Variants in MAP3K9 observed in about 807,000 individuals in gnomAD.
MAP3K9 encodes mixed lineage kinase 1 (tyr and ser/thr specificity).
MAP3K9 carries 46 observed loss-of-function variants against 95.8 expected under a neutral mutation model. The ratio of observed to expected loss-of-function variants is 0.48; its 90% CI spans 0.38 to 0.61. The LOEUF is 0.61. Among genes scored for constraint, MAP3K9 ranks in the 20% least tolerant of loss-of-function variants. MAP3K9 has a pLI of 0.00. For missense variants in MAP3K9, 1,296 were observed against 1,474.3 expected, an observed-to-expected ratio of 0.88 and a Z score of 1.98; for synonymous variants, 533 against 593.8, an observed-to-expected ratio of 0.90 and a Z score of 1.49.
At chr14:70,798,470 A>AGTTTTTT (rs2054889532) in intron 2 of MAP3K9, among the ~76,000 whole-genome samples, 2 of 108,342 alleles carry the variant, frequency 1.8e-5, no homozygotes, top group African/African-American at 3.6e-5. Flanking sequence ...GGTCACCAAA[A>AGTTTTTT]GTTTTTTTTT....
chr14:70,748,499 G>T (rs2054180304), intron 5 of MAP3K9, among the ~76,000 whole-genome samples: 1 of 152,216 alleles, frequency 6.6e-6, no homozygotes, highest in South Asian at 2.1e-4. Flanking sequence ...CAAGGTTGAA[G>T]TATCCCTATA....
intron 6 of MAP3K9, among the ~76,000 whole-genome samples, chr14:70,740,467 A>C (rs2054054299): frequency 6.6e-6 from 1 of 151,346 alleles, no homozygotes; most frequent in African/African-American, 2.5e-5. Flanking sequence ...TGTTTAGCTC[A>C]TGAGATGTTG....
chr14:70,799,408 C>T (rs55725720), intron 2 of MAP3K9, among the ~76,000 whole-genome samples: 6,319 of 152,260 alleles, frequency 0.042, 135 homozygotes, highest in East Asian at 0.094. Flanking sequence ...GGCACAATCT[C>T]GGCTCACTGC....
intron 2 of MAP3K9, among the ~76,000 whole-genome samples, chr14:70,776,937 T>A (rs1286965112): frequency 6.6e-6 from 1 of 152,100 alleles, no homozygotes; most frequent in African/African-American, 2.4e-5. Flanking sequence ...GTTCAAATTA[T>A]TCTCCTGCCC....
intron 11 of MAP3K9, among the ~76,000 whole-genome samples, chr14:70,732,171 G>GA (rs1454997132): frequency 6.6e-6 from 1 of 152,150 alleles, no homozygotes; most frequent in Non-Finnish European, 1.5e-5. Flanking sequence ...TTCCTTCCTG[G>GA]AAAATGCATC....
chr14:70,776,503 T>C (rs551325324), intron 2 of MAP3K9, among the ~76,000 whole-genome samples: 9 of 152,254 alleles, frequency 5.9e-5, no homozygotes, highest in African/African-American at 2.2e-4. Context: ...CTCTACATGG[T>C]ATATCCAGAT....
rs2054905410 is a variant in MAP3K9 at position 70,799,534 on chromosome 14, T to TTTC, written c.820+1130_820+1132dup. 2.0e-5 allele frequency among the ~76,000 whole-genome samples: 3 copies of TTTC among 151,740 alleles called. No homozygotes were observed. In the South Asian group the frequency reaches 6.3e-4, roughly 32 times the overall value. On this transcript the variant is annotated intron_variant, in intron 2 of 11. Coordinates refer to ENST00000554752, the MANE Select transcript of MAP3K9 (RefSeq NM_001284230.2). ...TTTTGTATTTTTAGTGGAGACGGGG[T>TTTC]TTCACCGTGTTAGCCAGGATGGTCT... is the stretch of plus-strand genomic sequence containing the variant.
Position 70,733,119 on chromosome 14 carries a change from C to T in MAP3K9, c.2250G>A (p.Glu750=). 1 of 1,613,942 alleles carries T rather than the reference C, an allele frequency of 6.2e-7. No homozygotes were observed. Among genetic ancestry groups the T allele is most frequent in the Non-Finnish European group, 8.5e-7 (1 of 1,179,896 alleles). The change falls in exon 11 of 12, where the codon GAG becomes GAA. Residue 750 remains glutamate (E), a synonymous_variant. Coordinates refer to ENST00000554752, the MANE Select transcript of MAP3K9 (RefSeq NM_001284230.2). The part of the protein sequence containing the change: ...KRGGAHHRRC[E]VALLGCGAVL... ...CAGCCCCACAGCCGAGCAGAGCCAC[C>T]TCGCAGCGGCGGTGGTGGGCACCGC... is the stretch of plus-strand genomic sequence containing the variant.
chr14:70,753,757 CTTGAG>C (rs1270180683), intron 3 of MAP3K9, among the ~76,000 whole-genome samples: 2 of 152,178 alleles, frequency 1.3e-5, no homozygotes, highest in African/African-American at 2.4e-5. Flanking sequence ...AAAATTTACT[CTTGAG>C]TTAATAATTA....
rs1295841269 is a variant in MAP3K9, at chr14:70,729,442, CAGACAGCAA to C, written c.*929_*937del. The C allele has an allele frequency of 5.3e-5, 8 of 152,344 alleles. No homozygotes were observed. The East Asian group carries it at 1.5e-3, about 29-fold the overall frequency. The allele number at this position is 152,344 out of a possible 1,614,324, so 9.4% of individuals were successfully genotyped here. A position where few individuals can be genotyped will look rare whatever the true frequency, so the allele number is the denominator to read the frequency against. ...AAGGAAGGGAGTAACACATAAAGTT[CAGACAGCAA>C]AAGGAACAGACAGTGGAATTTTGTC... On this transcript the variant is annotated 3_prime_UTR_variant, in exon 12 of 12. Coordinates refer to ENST00000554752, the MANE Select transcript of MAP3K9 (RefSeq NM_001284230.2).
chr14:70,772,812 T>C (rs1304337874), intron 2 of MAP3K9, among the ~76,000 whole-genome samples: 1 of 152,174 alleles, frequency 6.6e-6, no homozygotes, highest in Non-Finnish European at 1.5e-5. Context: ...TATTTAATCC[T>C]CTCATCAATA....
chr14:70,779,802 G>A lies in MAP3K9; in HGVS notation c.821-18620C>T, dbSNP rs559693764. 2.3e-4 allele frequency among the ~76,000 whole-genome samples: 35 copies of A among 152,330 alleles called. No homozygotes were observed. In the South Asian group the frequency reaches 6.8e-3, roughly 30 times the overall value. On this transcript the variant is annotated intron_variant, in intron 2 of 11. Coordinates refer to ENST00000554752, the MANE Select transcript of MAP3K9 (RefSeq NM_001284230.2). ...CTGAGAACAGCCACTCCTTGCCAAC[G>A]CGGCTCAGTCCTGCATTCATTTGGG... is the stretch of plus-strand genomic sequence containing the variant.
At chr14:70,791,879 C>T (rs2054811340) in intron 2 of MAP3K9, among the ~76,000 whole-genome samples, 1 of 152,178 alleles carries the variant, frequency 6.6e-6, no homozygotes. Flanking sequence ...CTGCTGTATT[C>T]TTAACACCAG....
At chr14:70,778,805 G>A (rs1026263895) in intron 2 of MAP3K9, among the ~76,000 whole-genome samples, 1 of 152,228 alleles carries the variant, frequency 6.6e-6, no homozygotes, top group Non-Finnish European at 1.5e-5. Flanking sequence ...ATTCCCCTGA[G>A]CTACCCAGCC....
chr14:70,760,714 A>G (rs1018384331), intron 3 of MAP3K9, among the ~76,000 whole-genome samples: 1 of 152,144 alleles, frequency 6.6e-6, no homozygotes, highest in African/African-American at 2.4e-5. Flanking sequence ...CTTACAGCGT[A>G]GAGATGGGAG....
At chr14:70,771,817 C>T (rs953123869) in intron 2 of MAP3K9, among the ~76,000 whole-genome samples, 2 of 152,178 alleles carry the variant, frequency 1.3e-5, no homozygotes, top group African/African-American at 2.4e-5. Context: ...CTGAGTGGCA[C>T]GTGAGATATT....
intron 3 of MAP3K9, among the ~76,000 whole-genome samples, chr14:70,757,798 G>A (rs1042559911): frequency 6.6e-6 from 1 of 151,926 alleles, no homozygotes; most frequent in Non-Finnish European, 1.5e-5. Context: ...ATAATTCGAT[G>A]GGAAAAAATG....
At chr14:70,786,075 C>T (rs556222437) in intron 2 of MAP3K9, among the ~76,000 whole-genome samples, 1 of 152,286 alleles carries the variant, frequency 6.6e-6, no homozygotes, top group African/African-American at 2.4e-5. Context: ...TATCAGGTTA[C>T]ACTAATAATC....
Position 70,730,529 on chromosome 14 carries a change from G to C in MAP3K9, c.3166C>G (p.Gln1056Glu), listed in dbSNP as rs1301363942. 6.2e-7 allele frequency: 1 copy of C among 1,613,846 alleles called. No homozygotes were observed. Among genetic ancestry groups the C allele is most frequent in the East Asian group, 2.2e-5 (1 of 44,890 alleles). The change falls in exon 12 of 12, where the codon CAG becomes GAG. Residue 1056 changes from glutamine to glutamate, a missense_variant. Transcript: ENST00000554752. ...RPGLPALLPF[Q>E]AGPLPPTERT... Reference sequence around the variant, plus strand: ...TCAGTCGGGGGCAGCGGCCCTGCCTGGAACGGGAGCAGGGCTGGAAGTCCA... The same window carrying C: ...TCAGTCGGGGGCAGCGGCCCTGCCTCGAACGGGAGCAGGGCTGGAAGTCCA...
Sources: gnomAD v4.1 joint callset for allele counts (sites outside exome capture counted in the v4.1 genomes callset) on GRCh38, gnomAD v4.1.1 for gene constraint, MANE v1.5 for transcripts, NCBI Gene and HGNC (gene_info 2026-07-23, HGNC 2026-07-21) for gene names.